Variants in ENOX1 observed in about 807,000 individuals in gnomAD.
The protein encoded by ENOX1 is ecto-NOX disulfide-thiol exchanger 1, also known as candidate growth-related and time keeping constitutive hydroquinone (NADH) oxidase.
Under a neutral mutation model 82.5 loss-of-function variants are expected in ENOX1, and 42 were observed. The observed-to-expected ratio is 0.51, with a 90% confidence interval of 0.40 to 0.66. The LOEUF (loss-of-function observed/expected upper bound fraction) is 0.66. Among genes scored for constraint, ENOX1 ranks in the 30% least tolerant of loss-of-function variants. ENOX1 has a pLI of 0.00. For missense variants in ENOX1, 608 were observed against 811.6 expected (o/e 0.75, Z 3.05); for synonymous variants, 271 against 282.2 (o/e 0.96, Z 0.40).
intron 2 of ENOX1, among the ~76,000 whole-genome samples, chr13:43,511,998 T>C (rs2077387633): frequency 6.6e-6 from 1 of 152,178 alleles, no homozygotes; most frequent in African/African-American, 2.4e-5. Flanking sequence ...ATATATAGTA[T>C]CTATGGATAT....
intron 2 of ENOX1, among the ~76,000 whole-genome samples, chr13:43,530,445 AC>A (rs745316589): frequency 6.6e-6 from 1 of 152,124 alleles, no homozygotes; most frequent in African/African-American, 2.4e-5. Flanking sequence ...TGCAAGTGGT[AC>A]TAAGAAATGA....
At chr13:43,227,627 C>A (rs982025634) in intron 15 of ENOX1, among the ~76,000 whole-genome samples, 2 of 152,138 alleles carry the variant, frequency 1.3e-5, no homozygotes, top group Admixed American at 1.3e-4. Context: ...GGAAAATTTT[C>A]ATTGAAACTA....
chr13:43,247,854 TATATATATATATATATATATATATA>T (rs1566329002), intron 14 of ENOX1, among the ~76,000 whole-genome samples: 465 of 4,666 alleles, frequency 0.1, 66 homozygotes, highest in African/African-American at 0.17. Context: ...TATATATATA[TATATATATATATATATATATATATA>T]TATATTTTTT....
At chr13:43,724,160 A>C (rs530614463) in intron 1 of ENOX1, among the ~76,000 whole-genome samples, 43 of 152,196 alleles carry the variant, frequency 2.8e-4, no homozygotes, top group Non-Finnish European at 2.4e-4. Context: ...TCTTTCTTTT[A>C]ACTACTACCC....
At chr13:43,633,083 A>G (rs1249817155) in intron 2 of ENOX1, among the ~76,000 whole-genome samples, 5 of 152,240 alleles carry the variant, frequency 3.3e-5, no homozygotes, top group African/African-American at 1.2e-4. Context: ...AAATTTCTAA[A>G]TGAACTTCAG....
chr13:43,463,825 A>G (rs1004924688), intron 3 of ENOX1, among the ~76,000 whole-genome samples: 15 of 152,218 alleles, frequency 9.9e-5, no homozygotes, highest in African/African-American at 2.4e-5. Flanking sequence ...ATTCAAATAA[A>G]TTAGAAGACT....
At chr13:43,600,713 T>A (rs544841570) in intron 2 of ENOX1, among the ~76,000 whole-genome samples, 1 of 152,218 alleles carries the variant, frequency 6.6e-6, no homozygotes, top group East Asian at 1.9e-4. Flanking sequence ...CCGCAGGCCT[T>A]CGGCAAGACC....
chr13:43,413,769 AT>A (rs1414873846), intron 3 of ENOX1, among the ~76,000 whole-genome samples: 1 of 149,018 alleles, frequency 6.7e-6, no homozygotes, highest in East Asian at 1.9e-4. Flanking sequence ...TCTAATAAAT[AT>A]AACAATTAAA....
At chr13:43,513,657 AAT>A (rs1427461401) in intron 2 of ENOX1, among the ~76,000 whole-genome samples, 3 of 152,168 alleles carry the variant, frequency 2.0e-5, no homozygotes, top group African/African-American at 7.2e-5. Flanking sequence ...TTTTTTTATT[AAT>A]AGATGATAGG....
intron 1 of ENOX1, among the ~76,000 whole-genome samples, chr13:43,747,771 G>A (rs954594648): frequency 1.4e-4 from 22 of 152,176 alleles, no homozygotes; most frequent in African/African-American, 5.1e-4. Context: ...ATAAGATTCA[G>A]CAATACCCTC....
intron 2 of ENOX1, among the ~76,000 whole-genome samples, chr13:43,503,369 A>T (rs774391223): frequency 5.3e-5 from 8 of 151,784 alleles, no homozygotes; most frequent in Non-Finnish European, 1.2e-4. Context: ...ATTTTTTTAC[A>T]GAAACAAAAA....
At chr13:43,445,340 G>A (rs769725175) in intron 3 of ENOX1, among the ~76,000 whole-genome samples, 1 of 152,178 alleles carries the variant, frequency 6.6e-6, no homozygotes, top group East Asian at 1.9e-4. Context: ...AGCCAGGATG[G>A]TCTTGATCTC....
At chr13:43,417,069 C>A (rs961329208) in intron 3 of ENOX1, among the ~76,000 whole-genome samples, 1 of 152,108 alleles carries the variant, frequency 6.6e-6, no homozygotes, top group Non-Finnish European at 1.5e-5. Flanking sequence ...ACCAGTCAGG[C>A]GTGGTGGCGT....
At chr13:43,768,977 A>C (rs1486262018) in intron 1 of ENOX1, among the ~76,000 whole-genome samples, 3 of 152,368 alleles carry the variant, frequency 2.0e-5, no homozygotes, top group East Asian at 3.9e-4. Context: ...TTCTAGTATC[A>C]GTGAAAATAA....
At chr13:43,449,522 T>C (rs1190957845) in intron 3 of ENOX1, among the ~76,000 whole-genome samples, 1 of 152,238 alleles carries the variant, frequency 6.6e-6, no homozygotes, top group African/African-American at 2.4e-5. Context: ...AGTTTCCTTT[T>C]CTAATATTTT....
chr13:43,634,980 C>T (rs943233215), intron 2 of ENOX1, among the ~76,000 whole-genome samples: 2 of 152,152 alleles, frequency 1.3e-5, no homozygotes, highest in African/African-American at 4.8e-5. Context: ...TTAATTCCCC[C>T]AAGGACCAAG....
chr13:43,581,662 T>C (rs2080748041), intron 2 of ENOX1, among the ~76,000 whole-genome samples: 1 of 152,246 alleles, frequency 6.6e-6, no homozygotes. Flanking sequence ...CCTACTCTCC[T>C]AGTGGGTATT....
At chr13:43,347,359 A>C (rs1465138695) in intron 8 of ENOX1, among the ~76,000 whole-genome samples, 1 of 152,244 alleles carries the variant, frequency 6.6e-6, no homozygotes, top group Non-Finnish European at 1.5e-5. Flanking sequence ...TTAGCCTAAA[A>C]GAGGAATATA....
chr13:43,713,977 A>G (rs299338), intron 1 of ENOX1, among the ~76,000 whole-genome samples: 136,757 of 137,318 alleles, frequency 1, 68,104 homozygotes, highest in South Asian at 1. Context: ...GTTTGCTCTT[A>G]CTTTTCTAGT....
Sources: gnomAD v4.1 joint callset for allele counts (sites outside exome capture counted in the v4.1 genomes callset) on GRCh38, gnomAD v4.1.1 for gene constraint, MANE v1.5 for transcripts, NCBI Gene and HGNC (gene_info 2026-07-23, HGNC 2026-07-21) for gene names.